Variants in KALRN observed in about 807,000 individuals in gnomAD.
The protein encoded by KALRN is kalirin.
In KALRN, 70 loss-of-function variants were observed where a neutral mutation model predicts 353.7. The ratio of observed to expected loss-of-function variants is 0.20; its 90% CI spans 0.16 to 0.24. The LOEUF (loss-of-function observed/expected upper bound fraction) is 0.24. Ranked by LOEUF, KALRN falls within the 10% of genes least tolerant of loss-of-function variation. KALRN has a pLI of 1.00. For missense variants in KALRN, 2,791 were observed against 3,756.7 expected, an observed-to-expected ratio of 0.74 and a Z score of 6.72; for synonymous variants, 1,391 against 1,434.8, an observed-to-expected ratio of 0.97 and a Z score of 0.69.
intron 1 of KALRN, among the ~76,000 whole-genome samples, chr3:124,063,106 G>A (rs1183401277): frequency 1.3e-5 from 2 of 152,168 alleles, no homozygotes; most frequent in Non-Finnish European, 2.9e-5. Flanking sequence ...TTCCAGGAGA[G>A]CTTGGAGAGG....
At chr3:124,661,027 T>C (rs774385508) in intron 44 of KALRN, 54 bp downstream of exon 44, 13 of 1,332,356 alleles carry the variant, frequency 9.8e-6, no homozygotes, top group Admixed American at 5.0e-5. Flanking sequence ...TTGGATATCT[T>C]TCTCTAGAGG....
chr3:124,435,765 C>T (rs957030118), intron 17 of KALRN, among the ~76,000 whole-genome samples: 5 of 152,156 alleles, frequency 3.3e-5, no homozygotes, highest in Admixed American at 3.3e-4. Context: ...AGAGAGCTTC[C>T]CCAGTTGATC....
At chr3:124,276,187 C>A (rs1560435510) in intron 5 of KALRN, among the ~76,000 whole-genome samples, 1 of 152,136 alleles carries the variant, frequency 6.6e-6, no homozygotes, top group African/African-American at 2.4e-5. Context: ...CAAAATAATG[C>A]TGCTTTTATG....
intron 33 of KALRN, among the ~76,000 whole-genome samples, chr3:124,508,566 T>C (rs1352267289): frequency 6.6e-6 from 1 of 152,212 alleles, no homozygotes; most frequent in African/African-American, 2.4e-5. Flanking sequence ...GTATCCATTC[T>C]GTACATGCAA....
At chr3:124,511,347 C>T (rs1464397580) in intron 33 of KALRN, among the ~76,000 whole-genome samples, 2 of 152,174 alleles carry the variant, frequency 1.3e-5, no homozygotes, top group Non-Finnish European at 1.5e-5. Context: ...TTCTACTCGA[C>T]AGAACTGAAA....
chr3:124,262,173 A>G lies in KALRN; in HGVS notation c.264-2325A>G, dbSNP rs555985627. ...TGTAAAACAATCATGAGAATGATCA[A>G]ATAAGTTATGGTATAGGCATAAGAT... is the stretch of plus-strand genomic sequence containing the variant. On this transcript the variant is annotated intron_variant, in intron 3 of 59. Coordinates refer to ENST00000682506, the MANE Select transcript of KALRN (RefSeq NM_001388419.1). 1.1e-4 allele frequency among the ~76,000 whole-genome samples: 17 copies of G among 152,312 alleles called. No individual in the cohort carries two copies. The South Asian group carries it at 3.5e-3, about 32-fold the overall frequency.
At chr3:124,064,190 T>C (rs1171446404) in intron 1 of KALRN, among the ~76,000 whole-genome samples, 3 of 152,034 alleles carry the variant, frequency 2.0e-5, no homozygotes. Context: ...ATCCTACAGA[T>C]CCTGCAGTGG....
intron 1 of KALRN, among the ~76,000 whole-genome samples, chr3:124,040,662 T>G (rs1192312215): frequency 6.6e-6 from 1 of 152,258 alleles, no homozygotes; most frequent in East Asian, 1.9e-4. Context: ...ATTAATTATT[T>G]AATATCTCTC....
At chr3:124,593,403 C>T (rs1444508950) in intron 34 of KALRN, among the ~76,000 whole-genome samples, 9 of 152,172 alleles carry the variant, frequency 5.9e-5, no homozygotes, top group African/African-American at 1.9e-4. Flanking sequence ...CCCCGCCTCA[C>T]CCCACAACTG....
rs763771768 is a variant in KALRN, at chr3:124,694,392, T to G, written c.7466T>G (p.Ile2489Arg). ...ACCTGCTTGCTTGGGGACACAGTGATACTGCAGTGCAAAGTCTGTGGGCGG... is the reference window on the plus strand; with the variant it reads ...ACCTGCTTGCTTGGGGACACAGTGAGACTGCAGTGCAAAGTCTGTGGGCGG... ...DVTCLLGDTV[I>R]LQCKVCGRPK... Residue 2489 changes from isoleucine (I) to arginine (R), a missense_variant, in exon 53 of 60, where the codon ATA (isoleucine) becomes AGA (arginine). Physicochemically the swap from Ile to Arg is moderately conservative, Grantham distance 97. This residue lies in a region of KALRN where 1,065 missense variants were observed against 1,156.4 expected (regional missense o/e 0.92). Coordinates refer to ENST00000682506, the MANE Select transcript of KALRN (RefSeq NM_001388419.1). 2 of 1,614,228 alleles carry G rather than the reference T, an allele frequency of 1.2e-6. No homozygotes were observed. The highest frequency in any genetic ancestry group is 1.7e-6 in the Non-Finnish European group (2 of 1,180,032).
At chr3:124,404,664 T>C (rs898877086) in intron 13 of KALRN, among the ~76,000 whole-genome samples, 1 of 151,474 alleles carries the variant, frequency 6.6e-6, no homozygotes, top group Non-Finnish European at 1.5e-5. Context: ...TTCTTTTTTT[T>C]TTTTTTGCAC....
chr3:124,495,295 C>T (rs886541009), intron 32 of KALRN, among the ~76,000 whole-genome samples: 9 of 152,264 alleles, frequency 5.9e-5, no homozygotes, highest in African/African-American at 1.9e-4. Flanking sequence ...TGCATGAGAT[C>T]CTCAAAACCC....
chr3:124,642,806 G>GTTTTTTTTTTGTTGTTGTTTTTTTT lies in KALRN; in HGVS notation c.5664+5513_5664+5514insGTTGTTGTTTTTTTTTTTTTTTTTT, dbSNP rs1553707031. Reference sequence around the variant, plus strand: ...TCTGTGGAAGAGATTCCCAAGCCTCGTTTTTTTTTTTTTTTTTTTTGAGAC... The same window carrying GTTTTTTTTTTGTTGTTGTTTTTTTT: ...TCTGTGGAAGAGATTCCCAAGCCTCGTTTTTTTTTTGTTGTTGTTTTTTTTTTTTTTTTTTTTTTTTTTTTGAGAC... On this transcript the variant is annotated intron_variant, in intron 37 of 59. Coordinates refer to ENST00000682506, the MANE Select transcript of KALRN (RefSeq NM_001388419.1). Among the ~76,000 whole-genome samples, 529 of 96,772 alleles carry GTTTTTTTTTTGTTGTTGTTTTTTTT rather than the reference G, an allele frequency of 5.5e-3. 36 individuals are homozygous for GTTTTTTTTTTGTTGTTGTTTTTTTT. Among genetic ancestry groups the GTTTTTTTTTTGTTGTTGTTTTTTTT allele is most frequent in the East Asian group, 0.022 (46 of 2,100 alleles). 63.5% of individuals were successfully genotyped at this position (96,772 alleles called of 152,430 possible).
intron 37 of KALRN, among the ~76,000 whole-genome samples, chr3:124,642,293 C>A (rs66622003): frequency 0.17 from 16,840 of 97,078 alleles, 1,042 homozygotes; most frequent in African/African-American, 0.21. Flanking sequence ...TACAGAAAAA[C>A]AAAAAATTAA....
intron 6 of KALRN, among the ~76,000 whole-genome samples, chr3:124,322,335 T>C (rs932254284): frequency 1.3e-5 from 2 of 152,210 alleles, no homozygotes; most frequent in African/African-American, 4.8e-5. Context: ...ATGAGGAAAC[T>C]GAGGCACAGA....
intron 13 of KALRN, among the ~76,000 whole-genome samples, chr3:124,402,978 G>T (rs770613843): frequency 6.6e-6 from 1 of 152,208 alleles, no homozygotes; most frequent in East Asian, 1.9e-4. Flanking sequence ...GTTAAACCAC[G>T]TGTCTTTTTG....
chr3:124,710,761 C>A (rs536158633), intron 57 of KALRN, among the ~76,000 whole-genome samples: 2 of 152,250 alleles, frequency 1.3e-5, no homozygotes, highest in South Asian at 4.1e-4. Flanking sequence ...TGCACTCAAG[C>A]GTGGGTGACA....
intron 39 of KALRN, 57 bp downstream of exon 39, chr3:124,655,724 C>T: frequency 8.1e-7 from 1 of 1,233,828 alleles, no homozygotes; most frequent in Non-Finnish European, 1.2e-6. Context: ...ACGTTGGACC[C>T]TACCTAGGCC....
rs544595743 is a variant in KALRN at position 124,235,696 on chromosome 3, C to T, written c.263+753C>T. On this transcript the variant is annotated intron_variant, in intron 3 of 59. Coordinates refer to ENST00000682506, the MANE Select transcript of KALRN (RefSeq NM_001388419.1). Reference sequence around the variant, plus strand: ...AACTCAACCCTCCTGAGTCCAGCCCCGGTGCTCTCTCACCATCTTTGTTCT... The same window carrying T: ...AACTCAACCCTCCTGAGTCCAGCCCTGGTGCTCTCTCACCATCTTTGTTCT... Among the ~76,000 whole-genome samples, 3 of 152,294 alleles carry T rather than the reference C, an allele frequency of 2.0e-5. No individual in the cohort carries two copies. The South Asian group carries it at 6.2e-4, about 32-fold the overall frequency.
Sources: allele counts gnomAD v4.1 joint callset (sites outside exome capture counted in the v4.1 genomes callset), GRCh38; gene constraint gnomAD v4.1.1; regional missense constraint gnomAD v4.1.1; transcripts MANE v1.5; gene names NCBI Gene and HGNC (gene_info 2026-07-23, HGNC 2026-07-21).